PDIA5: variants seen among roughly 807,000 people sequenced by gnomAD.
The protein encoded by PDIA5 is protein disulfide isomerase family A member 5.
PDIA5 carries 58 observed loss-of-function variants against 77.6 expected under a neutral mutation model. The ratio of observed to expected loss-of-function variants is 0.75; its 90% confidence interval spans 0.61 to 0.93. The LOEUF is 0.93. Among genes scored for constraint, PDIA5 ranks in the 40% least tolerant of loss-of-function variants. The probability of loss-of-function intolerance (pLI) is 0.00; values close to 1 mark genes in which losing one functional copy is unlikely to be tolerated. For synonymous variants in PDIA5, 250 were observed against 252.1 expected, an observed-to-expected ratio of 0.99 and a Z score of 0.08; for missense variants, 630 against 647.7, an observed-to-expected ratio of 0.97 and a Z score of 0.30.
At chr3:123,111,086 G>A (rs1934852587) in intron 7 of PDIA5, 82 bp downstream of exon 7, 3 of 917,570 alleles carry the variant, frequency 3.3e-6, no homozygotes, top group South Asian at 1.4e-5. Context: ...TGCGGGCGGG[G>A]TCTGGGGGAT....
chr3:123,127,353 T>A (rs1222125831), intron 10 of PDIA5, among the ~76,000 whole-genome samples: 1 of 152,252 alleles, frequency 6.6e-6, no homozygotes, highest in Non-Finnish European at 1.5e-5. Flanking sequence ...CCCATTGGAC[T>A]CATTCTGAGG....
chr3:123,128,113 A>G (rs984847143), intron 10 of PDIA5, among the ~76,000 whole-genome samples: 3 of 152,052 alleles, frequency 2.0e-5, no homozygotes, highest in Non-Finnish European at 2.9e-5. Context: ...TGGGTGGGAG[A>G]GGGGAGAGCC....
intron 15 of PDIA5, among the ~76,000 whole-genome samples, chr3:123,159,186 T>G (rs961677554): frequency 6.6e-6 from 1 of 152,250 alleles, no homozygotes; most frequent in Admixed American, 6.5e-5. Flanking sequence ...AGCACTTTCA[T>G]GGCGGAGCAG....
chr3:123,140,892 T>A (rs1181921461), intron 11 of PDIA5, among the ~76,000 whole-genome samples: 2 of 152,236 alleles, frequency 1.3e-5, no homozygotes, highest in Non-Finnish European at 2.9e-5. Context: ...TGGCTTCCCA[T>A]GCCTGTGGCA....
rs977904725 is a variant in PDIA5 at position 123,160,583 on chromosome 3, A to C, written c.1345-738A>C. On this transcript the variant is annotated intron_variant, in intron 15 of 16. Transcript: ENST00000316218. ...CCACCTCCCTCATCCCTCACATCAC[A>C]TCATGTTGGAATTGTCCCTTTATCC... Among the ~76,000 whole-genome samples, 4 of 152,178 alleles carry C rather than the reference A, an allele frequency of 2.6e-5. No individual in the cohort carries two copies. The East Asian group carries it at 7.7e-4, about 29-fold the overall frequency.
intron 15 of PDIA5, among the ~76,000 whole-genome samples, chr3:123,160,725 T>C (rs144432216): frequency 1.2e-3 from 182 of 152,344 alleles, no homozygotes; most frequent in African/African-American, 3.3e-3. Flanking sequence ...CCAGGTTCTG[T>C]GCTCACTGGC....
rs1189670225 is a variant in PDIA5, at chr3:123,128,027, C to G, written c.774-2453C>G. ...GGGTTCAGACTCTCACTCAGTCCCT[C>G]TCTTCCCAGTACATCCTCTTACCAC... On this transcript the variant is annotated intron_variant, in intron 10 of 16. Transcript: ENST00000316218. Among the ~76,000 whole-genome samples, 10 of 152,334 alleles carry G rather than the reference C, an allele frequency of 6.6e-5. 3 individuals are homozygous for G. Among genetic ancestry groups the G allele is most frequent in the Admixed American group, 5.9e-4 (9 of 15,308 alleles).
At chr3:123,094,311 T>C (rs1934378069) in intron 3 of PDIA5, among the ~76,000 whole-genome samples, 1 of 152,210 alleles carries the variant, frequency 6.6e-6, no homozygotes, top group African/African-American at 2.4e-5. Context: ...CCAAAGTAGA[T>C]TAAGTTGGAC....
chr3:123,112,201 G>C (rs1273186377), intron 7 of PDIA5, among the ~76,000 whole-genome samples: 1 of 152,142 alleles, frequency 6.6e-6, no homozygotes. Context: ...GAGCTGCATC[G>C]GCCCTTCACG....
At chr3:123,090,623 G>A (rs985295873) in intron 2 of PDIA5, among the ~76,000 whole-genome samples, 4 of 152,210 alleles carry the variant, frequency 2.6e-5, no homozygotes, top group African/African-American at 9.7e-5. Context: ...TTCTCTGATG[G>A]AGGATGGGAA....
intron 11 of PDIA5, among the ~76,000 whole-genome samples, chr3:123,133,319 A>G (rs1379366534): frequency 2.6e-5 from 4 of 152,238 alleles, no homozygotes; most frequent in Non-Finnish European, 5.9e-5. Flanking sequence ...TGGAAATCAC[A>G]GTGTTCCAGG....
In PDIA5 at chr3:123,161,803, G is replaced by A. The variant is rs758498551; in HGVS notation, c.1480-77G>A. ...GGAGTGACCCCCTGGAGGGGCTGGG[G>A]GTGTGGGGAGAGAGAGTGCACAGCC... On this transcript the variant is annotated intron_variant, in intron 16 of 16. Coordinates refer to ENST00000316218, the MANE Select transcript of PDIA5 (RefSeq NM_006810.4). 3.2e-6 allele frequency: 3 copies of A among 950,182 alleles called. No individual in the cohort carries two copies. In the South Asian group the frequency reaches 4.1e-5, roughly 13 times the overall value. 58.9% of individuals were successfully genotyped at this position (950,182 alleles called of 1,614,324 possible). A position where few individuals can be genotyped will look rare whatever the true frequency, so the allele number is the denominator to read the frequency against.
rs374370091 is a variant in PDIA5, at chr3:123,102,459, C to T, written c.306C>T (p.Ser102=). Residue 102 remains serine, a synonymous_variant, in exon 4 of 17, where the codon AGC becomes AGT. Coordinates refer to ENST00000316218, the MANE Select transcript of PDIA5 (RefSeq NM_006810.4). ...GCAAGAAGATGAAAGTTGACCTGAG[C>T]CCGAAGGACAAAAAGGTTGAATTAT... ...KLCKKMKVDL[S]PKDKKVELFH... 29 of 1,613,910 alleles carry T rather than the reference C, an allele frequency of 1.8e-5. No individual in the cohort carries two copies. In the East Asian group the frequency reaches 4.2e-4, roughly 24 times the overall value.
intron 1 of PDIA5, among the ~76,000 whole-genome samples, chr3:123,069,399 C>T (rs1933668167): frequency 6.6e-6 from 1 of 152,144 alleles, no homozygotes; most frequent in Admixed American, 6.5e-5. Flanking sequence ...ATAATAGTGG[C>T]ATGGTTAAAT....
At chr3:123,129,995 C>T (rs946381001) in intron 10 of PDIA5, among the ~76,000 whole-genome samples, 3 of 152,166 alleles carry the variant, frequency 2.0e-5, no homozygotes, top group African/African-American at 7.2e-5. Flanking sequence ...TTCTGAGATA[C>T]CTGGCCTCTC....
At chr3:123,074,355 A>G (rs1380674461) in intron 1 of PDIA5, among the ~76,000 whole-genome samples, 2 of 152,238 alleles carry the variant, frequency 1.3e-5, no homozygotes. Flanking sequence ...AATGTATAAC[A>G]GGGATCCCTA....
At chr3:123,145,975 C>T in intron 12 of PDIA5, 124 bp from the exon 13 acceptor site, 1 of 870,164 alleles carries the variant, frequency 1.1e-6, no homozygotes, top group Non-Finnish European at 1.8e-6. Context: ...GCCCACTGGG[C>T]TAGCCACCCC....
At chr3:123,070,889 T>G (rs1056866093) in intron 1 of PDIA5, among the ~76,000 whole-genome samples, 1 of 152,094 alleles carries the variant, frequency 6.6e-6, no homozygotes, top group African/African-American at 2.4e-5. Flanking sequence ...TGGGCTGGGA[T>G]AGAGTTTTCT....
intron 14 of PDIA5, among the ~76,000 whole-genome samples, chr3:123,150,775 G>A (rs1313828778): frequency 6.7e-6 from 1 of 149,360 alleles, no homozygotes; most frequent in Admixed American, 6.7e-5. Context: ...CCTTCCAGAT[G>A]GCTCTGGAGC....
Sources: allele counts gnomAD v4.1 joint callset (sites outside exome capture counted in the v4.1 genomes callset), GRCh38; gene constraint gnomAD v4.1.1; transcripts MANE v1.5; gene names NCBI Gene and HGNC (gene_info 2026-07-23, HGNC 2026-07-21).